Variants in SVOP observed in about 807,000 individuals in gnomAD.
The protein encoded by SVOP is SV2 related protein.
A neutral mutation model predicts 69.1 loss-of-function variants in SVOP; 17 were observed. The observed-to-expected ratio is 0.25, with a 90% CI of 0.17 to 0.37. The LOEUF (loss-of-function observed/expected upper bound fraction) is 0.37, where lower values mean the gene tolerates loss of function less well. Ranked by LOEUF, SVOP falls within the 10% of genes least tolerant of loss-of-function variation. SVOP has a pLI of 1.00. For synonymous variants in SVOP, 238 were observed against 238.6 expected, an observed-to-expected ratio of 1.00 and a Z score of 0.02; for missense variants, 435 against 597.5, an observed-to-expected ratio of 0.73 and a Z score of 2.84.
intron 1 of SVOP, among the ~76,000 whole-genome samples, chr12:109,002,710 A>G (rs1302814972): frequency 6.6e-6 from 1 of 151,502 alleles, no homozygotes; most frequent in East Asian, 1.9e-4. Context: ...CCGCAAGAAC[A>G]AAAAACCAAA....
intron 4 of SVOP, among the ~76,000 whole-genome samples, chr12:108,973,419 T>A (rs908931579): frequency 1.3e-5 from 2 of 152,148 alleles, no homozygotes; most frequent in Non-Finnish European, 2.9e-5. Flanking sequence ...TTAGACAGGA[T>A]CTTGCTCTGT....
intron 5 of SVOP, among the ~76,000 whole-genome samples, chr12:108,962,391 G>A (rs1212149739): frequency 6.6e-6 from 1 of 152,136 alleles, no homozygotes; most frequent in Non-Finnish European, 1.5e-5. Context: ...GAGCCAACAC[G>A]CCTGGCTGAT....
intron 6 of SVOP, among the ~76,000 whole-genome samples, chr12:108,947,905 G>A (rs36148059): frequency 0.036 from 5,498 of 152,100 alleles, 623 homozygotes; most frequent in Admixed American, 0.22. Flanking sequence ...GATGGTGCTG[G>A]GGACACATTT....
intron 5 of SVOP, among the ~76,000 whole-genome samples, chr12:108,963,872 C>T (rs1477200484): frequency 6.6e-6 from 1 of 152,180 alleles, no homozygotes; most frequent in Non-Finnish European, 1.5e-5. Context: ...ACAACCACAA[C>T]CACTAAGAAT....
chr12:108,922,812 GAGAA>G lies in SVOP; in HGVS notation c.1049-19_1049-16del. Reference sequence around the variant, plus strand: ...CCGACTGGAGACTGGGGTTGGGAGAGAGAAAGAGAGGGGGAGACATATACAGAGT... The same window carrying G: ...CCGACTGGAGACTGGGGTTGGGAGAGAGAGAGGGGGAGACATATACAGAGT... On this transcript the variant is annotated splice_polypyrimidine_tract_variant and intron_variant, in intron 11 of 15. Transcript: ENST00000610966. 1 of 1,570,488 alleles carries G rather than the reference GAGAA, an allele frequency of 6.4e-7. No individual in the cohort carries two copies. The highest frequency in any genetic ancestry group is 1.3e-5 in the African/African-American group (1 of 74,154).
rs140815182 is a variant in SVOP, at chr12:108,991,839, A to G, written c.36-8078T>C. Among the ~76,000 whole-genome samples, 977 of 151,908 alleles carry G rather than the reference A, an allele frequency of 6.4e-3. 14 individuals carry two copies. The highest frequency in any genetic ancestry group is 0.022 in the African/African-American group (922 of 41,442). ...CACATACTTGTGGTCTTGGCTACTC[A>G]AAAGGCTGAGGCAGGAGGGTCTCTT... is the stretch of plus-strand genomic sequence containing the variant. On this transcript the variant is annotated intron_variant, in intron 1 of 15. Transcript: ENST00000610966.
intron 2 of SVOP, among the ~76,000 whole-genome samples, chr12:108,981,693 G>A (rs2040135913): frequency 1.3e-5 from 2 of 152,168 alleles, no homozygotes; most frequent in Non-Finnish European, 2.9e-5. Context: ...GTTGGTAATA[G>A]ATCCAATTGG....
rs749556984 is a variant in SVOP, at chr12:108,922,718, C to T, written c.1128G>A (p.Leu376=). ...GAAACTCAGAGAGGGTGGTCCACAG[C>T]AAGTCCATGTAATCCTCCTCACTCA... ...EYLSEEDYMD[L]LWTTLSEFPG... The change falls in exon 12 of 16, where the codon TTG becomes TTA. Residue 376 remains leucine (L), a synonymous_variant. Coordinates refer to ENST00000610966, the MANE Select transcript of SVOP (RefSeq NM_018711.5). The T allele has an allele frequency of 6.2e-7, 1 of 1,611,056 alleles. No homozygotes were observed. The highest frequency in any genetic ancestry group is 1.7e-5 in the Admixed American group (1 of 59,660).
Position 108,989,956 on chromosome 12 carries a change from CT to C in SVOP, c.36-6196del, listed in dbSNP as rs1244615690. Among the ~76,000 whole-genome samples the C allele has an allele frequency of 2.6e-5, 4 of 152,220 alleles. No individual in the cohort carries two copies. In the East Asian group the frequency reaches 7.7e-4, roughly 29 times the overall value. On this transcript the variant is annotated intron_variant, in intron 1 of 15. Transcript: ENST00000610966. ...TATCTCCTGCTACCTTAACAATCAA[CT>C]TATGAATTAGGTACAGTTATTATAC...
intron 2 of SVOP, among the ~76,000 whole-genome samples, chr12:108,981,154 TG>T (rs1388740792): frequency 5.3e-5 from 8 of 152,190 alleles, no homozygotes; most frequent in Non-Finnish European, 8.8e-5. Context: ...GAGACTATTG[TG>T]GGGCATTTAC....
rs543969317 is a variant in SVOP, at chr12:108,936,974, A to G, written c.971+290T>C. 2 of 373,934 alleles carry G rather than the reference A, an allele frequency of 5.3e-6. 1 individual carries two copies. The highest frequency in any genetic ancestry group is 6.1e-5 in the South Asian group (2 of 32,540). 23.2% of individuals were successfully genotyped at this position (373,934 alleles called of 1,614,324 possible). A position where few individuals can be genotyped will look rare whatever the true frequency, so the allele number is the denominator to read the frequency against. ...AATTTGGGGAGGCTGAGGAGGGAGG[A>G]TTGCTTGAGTTCAGGAGTTCAAGGC... is the stretch of plus-strand genomic sequence containing the variant. On this transcript the variant is annotated intron_variant, in intron 10 of 15. Transcript: ENST00000610966.
At position 108,980,182 on chromosome 12, in the gene SVOP, T is replaced by TAA. The variant is rs1168931660; in HGVS notation, c.197-1521_197-1520dup. Among the ~76,000 whole-genome samples, 33 of 151,492 alleles carry TAA rather than the reference T, an allele frequency of 2.2e-4. 1 individual carries two copies. Among genetic ancestry groups the TAA allele is most frequent in the Middle Eastern group, 6.8e-3 (2 of 294 alleles). On this transcript the variant is annotated intron_variant, in intron 2 of 15. Coordinates refer to ENST00000610966, the MANE Select transcript of SVOP (RefSeq NM_018711.5). Reference sequence around the variant, plus strand: ...GACAGAGTAAGATTCTGTCTCAAAATAAAAAAAATCCAAAAAACAAAACTA... The same window carrying TAA: ...GACAGAGTAAGATTCTGTCTCAAAATAAAAAAAAAATCCAAAAAACAAAACTA...
chr12:108,941,192 C>A (rs1296291052), intron 7 of SVOP, among the ~76,000 whole-genome samples: 2 of 152,132 alleles, frequency 1.3e-5, no homozygotes, highest in Non-Finnish European at 2.9e-5. Context: ...ACCAATATTA[C>A]GTGATGTCAA....
intron 6 of SVOP, among the ~76,000 whole-genome samples, chr12:108,948,838 T>A (rs952500597): frequency 2.0e-5 from 3 of 152,208 alleles, no homozygotes; most frequent in Admixed American, 1.3e-4. Flanking sequence ...AAACCAAGAT[T>A]ATAGTGGTTG....
At chr12:108,917,981 T>A (rs1593175864) in intron 14 of SVOP, 62 bp downstream of exon 14, 4 of 1,331,422 alleles carry the variant, frequency 3.0e-6, no homozygotes, top group African/African-American at 1.5e-5. Context: ...AAGCAGAGCA[T>A]CCCCCACAGC....
At chr12:108,955,862 ATGT>A (rs1486863137) in intron 6 of SVOP, among the ~76,000 whole-genome samples, 2 of 152,176 alleles carry the variant, frequency 1.3e-5, no homozygotes, top group African/African-American at 4.8e-5. Flanking sequence ...TGAGGTGGGG[ATGT>A]TGTTGTTCCA....
At chr12:108,966,124 C>T (rs2040044198) in intron 5 of SVOP, among the ~76,000 whole-genome samples, 1 of 152,080 alleles carries the variant, frequency 6.6e-6, no homozygotes, top group Non-Finnish European at 1.5e-5. Context: ...ACTTCAGCCC[C>T]CAAGTAGCCT....
intron 6 of SVOP, among the ~76,000 whole-genome samples, chr12:108,958,982 C>T (rs139059061): frequency 0.051 from 7,794 of 152,172 alleles, 267 homozygotes; most frequent in Middle Eastern, 0.11. Context: ...AGGTGTTAAT[C>T]CTAGTAACCA....
At chr12:108,991,727 A>T (rs1428296688) in intron 1 of SVOP, among the ~76,000 whole-genome samples, 1 of 151,626 alleles carries the variant, frequency 6.6e-6, no homozygotes, top group African/African-American at 2.4e-5. Context: ...AAGTGCTGGG[A>T]TTACAGGCGT....
Sources: allele counts gnomAD v4.1 joint callset (sites outside exome capture counted in the v4.1 genomes callset), GRCh38; gene constraint gnomAD v4.1.1; transcripts MANE v1.5; gene names NCBI Gene and HGNC (gene_info 2026-07-23, HGNC 2026-07-21).